The following PIK3CG variants were observed in gnomAD, a reference collection of about 807,000 sequenced individuals.
PIK3CG encodes phosphatidylinositol-4,5-bisphosphate 3-kinase catalytic subunit gamma.
PIK3CG carries 55 observed loss-of-function variants against 102.3 expected under a neutral mutation model. The ratio of observed to expected loss-of-function variants is 0.54; its 90% CI spans 0.43 to 0.67. PIK3CG has a LOEUF of 0.67. Among genes scored for constraint, PIK3CG ranks in the 30% least tolerant of loss-of-function variants. The probability of loss-of-function intolerance (pLI) is 0.00; values close to 1 mark genes in which losing one functional copy is unlikely to be tolerated. For synonymous variants in PIK3CG, 552 were observed against 540.0 expected, an observed-to-expected ratio of 1.02 and a Z score of -0.31; for missense variants, 1,258 against 1,391.8, an observed-to-expected ratio of 0.90 and a Z score of 1.53.
chr7:106,878,403 C>G (rs931366768), intron 5 of PIK3CG, among the ~76,000 whole-genome samples: 23 of 152,156 alleles, frequency 1.5e-4, no homozygotes, highest in African/African-American at 5.6e-4. Flanking sequence ...TATAGTCTAT[C>G]AAATTTGGAA....
chr7:106,904,770 C>G (rs778305832), intron 10 of PIK3CG, among the ~76,000 whole-genome samples: 5 of 152,108 alleles, frequency 3.3e-5, no homozygotes, highest in Non-Finnish European at 7.4e-5. Context: ...GTATGATGTT[C>G]AAAAGCTGAC....
chr7:106,876,341 T>A (rs1181749953), intron 5 of PIK3CG, among the ~76,000 whole-genome samples: 1 of 152,144 alleles, frequency 6.6e-6, no homozygotes, highest in African/African-American at 2.4e-5. Flanking sequence ...TAGAGTACAT[T>A]CTTCTGAAAA....
intron 4 of PIK3CG, among the ~76,000 whole-genome samples, chr7:106,873,637 G>A (rs1020251742): frequency 6.6e-6 from 1 of 152,026 alleles, no homozygotes; most frequent in Non-Finnish European, 1.5e-5. Context: ...TTATATCAGG[G>A]GCTTGAGCAT....
rs1389038104 is a variant in PIK3CG at position 106,895,450 on chromosome 7, G to A, written c.3030+9158G>A. On this transcript the variant is annotated intron_variant, in intron 10 of 10. Coordinates refer to ENST00000496166, the MANE Select transcript of PIK3CG (RefSeq NM_001282426.2). The surrounding 1 kb of genome is among the most constrained non-coding windows in gnomAD (Gnocchi z 5.4). The stretch of plus-strand genomic sequence containing the variant: ...GCAGAAATGAAACTTCTGGGACTGA[G>A]CGGGCAGGGCAGGTGCTCGGCTGTG... 6.6e-6 allele frequency among the ~76,000 whole-genome samples: 1 copy of A among 152,230 alleles called. No individual in the cohort carries two copies. The highest frequency in any genetic ancestry group is 1.5e-5 in the Non-Finnish European group (1 of 68,034).
At position 106,905,741 on chromosome 7, in the gene PIK3CG, A is replaced by G. The variant is rs753635314; in HGVS notation, c.*354A>G. On this transcript the variant is annotated 3_prime_UTR_variant, in exon 11 of 11. Coordinates refer to ENST00000496166, the MANE Select transcript of PIK3CG (RefSeq NM_001282426.2). The surrounding 1 kb of genome is among the most constrained non-coding windows in gnomAD (Gnocchi z 5.6). ...TTCTTTGGAATAATTGATGACATCT[A>G]TTTTCATCTGGGTTTAGTCTCAATT... is the stretch of plus-strand genomic sequence containing the variant. 90 of 286,888 alleles carry G rather than the reference A, an allele frequency of 3.1e-4. No homozygotes were observed. Among genetic ancestry groups the G allele is most frequent in the Admixed American group, 7.6e-4 (16 of 21,032 alleles). 17.8% of individuals were successfully genotyped at this position (286,888 alleles called of 1,614,324 possible).
At chr7:106,875,780 G>T (rs974501269) in intron 5 of PIK3CG, among the ~76,000 whole-genome samples, 1 of 152,076 alleles carries the variant, frequency 6.6e-6, no homozygotes, top group South Asian at 2.1e-4. Flanking sequence ...GTCAGATGGT[G>T]TGTGTGTGTA....
chr7:106,881,182 C>T (rs372870568), intron 6 of PIK3CG, among the ~76,000 whole-genome samples: 3 of 152,068 alleles, frequency 2.0e-5, no homozygotes, highest in Non-Finnish European at 2.9e-5. Flanking sequence ...ATTCTAGGCA[C>T]GAGCCAGTTA....
intron 10 of PIK3CG, among the ~76,000 whole-genome samples, chr7:106,887,319 G>A (rs1274398726): frequency 1.3e-5 from 2 of 152,254 alleles, no homozygotes; most frequent in African/African-American, 2.4e-5. Context: ...TGCCTTGGGT[G>A]CCCTTTAAAT....
chr7:106,887,754 CA>C (rs1034498204), intron 10 of PIK3CG, among the ~76,000 whole-genome samples: 3 of 149,630 alleles, frequency 2.0e-5, no homozygotes, highest in Non-Finnish European at 3.0e-5. Context: ...GAAATGGTTC[CA>C]AAAAAAAAGA....
chr7:106,901,188 C>T (rs1791540914), intron 10 of PIK3CG, among the ~76,000 whole-genome samples: 1 of 151,908 alleles, frequency 6.6e-6, no homozygotes, highest in Non-Finnish European at 1.5e-5. Context: ...TTCAGGGATG[C>T]CAGTGATTCG....
chr7:106,891,286 C>T lies in PIK3CG; in HGVS notation c.3030+4994C>T, dbSNP rs1336746296. On this transcript the variant is annotated intron_variant, in intron 10 of 10. Coordinates refer to ENST00000496166, the MANE Select transcript of PIK3CG (RefSeq NM_001282426.2). This position sits in a 1 kb window ranked among gnomAD's most constrained non-coding sequence, Gnocchi z 4.4. ...TCACAATAACTCAGGCCCAGATTGA[C>T]AGACCATCATCACATGGAAGGTAAT... Among the ~76,000 whole-genome samples the T allele has an allele frequency of 1.3e-5, 2 of 152,210 alleles. No individual in the cohort carries two copies. Among genetic ancestry groups the T allele is most frequent in the African/African-American group, 4.8e-5 (2 of 41,452 alleles).
intron 4 of PIK3CG, 90 bp downstream of exon 4, chr7:106,873,028 C>T (rs1790592606): frequency 1.0e-6 from 1 of 962,464 alleles, no homozygotes; most frequent in African/African-American, 1.6e-5. Context: ...TCCTGGAATC[C>T]AAGTTGCATC....
chr7:106,886,121 T>C lies in PIK3CG; in HGVS notation c.2873-14T>C, dbSNP rs1260471701. On this transcript the variant is annotated splice_polypyrimidine_tract_variant and intron_variant, in intron 9 of 10. Transcript: ENST00000496166. ...GTGCCACTGTAATGATGTCAGATACTTTCTTCTCTTAAGGAAACCTATTTC... is the reference window on the plus strand; with the variant it reads ...GTGCCACTGTAATGATGTCAGATACCTTCTTCTCTTAAGGAAACCTATTTC... 6.2e-7 allele frequency: 1 copy of C among 1,612,270 alleles called. No homozygotes were observed. The highest frequency in any genetic ancestry group is 1.7e-5 in the Admixed American group (1 of 59,902).
chr7:106,892,754 GA>G lies in PIK3CG; in HGVS notation c.3030+6466del, dbSNP rs1230814195. Among the ~76,000 whole-genome samples the G allele has an allele frequency of 2.6e-5, 4 of 152,194 alleles. No individual in the cohort carries two copies. Among genetic ancestry groups the G allele is most frequent in the Non-Finnish European group, 5.9e-5 (4 of 68,030 alleles). On this transcript the variant is annotated intron_variant, in intron 10 of 10. Coordinates refer to ENST00000496166, the MANE Select transcript of PIK3CG (RefSeq NM_001282426.2). The surrounding 1 kb of genome is among the most constrained non-coding windows in gnomAD (Gnocchi z 5.2). ...GCAATTAATCCTGCCCTAGAGGATA[GA>G]AAAGGGCTATTCAGAGAAGCATGTG...
Position 106,874,682 on chromosome 7 carries a change from T to TTTTC in PIK3CG, c.2288-18_2288-17insTTTC. On this transcript the variant is annotated splice_polypyrimidine_tract_variant and intron_variant, in intron 4 of 10. Transcript: ENST00000496166. The surrounding 1 kb of genome is among the most constrained non-coding windows in gnomAD (Gnocchi z 4.3). The stretch of plus-strand genomic sequence containing the variant: ...TTCTGGAACTCACATAACTCTTGTG[T>TTTTC]ACTTTTGACAATTACAGTTATTTCA... The TTTTC allele has an allele frequency of 6.7e-7, 1 of 1,482,114 alleles. No homozygotes were observed. Among genetic ancestry groups the TTTTC allele is most frequent in the Non-Finnish European group, 9.4e-7 (1 of 1,060,270 alleles). 91.8% of individuals were successfully genotyped at this position (1,482,114 alleles called of 1,614,324 possible). A position where few individuals can be genotyped will look rare whatever the true frequency, so the allele number is the denominator to read the frequency against.
chr7:106,870,522 T>C (rs904310412), intron 2 of PIK3CG, among the ~76,000 whole-genome samples: 5 of 152,160 alleles, frequency 3.3e-5, no homozygotes, highest in African/African-American at 1.2e-4. Flanking sequence ...CACACACAAA[T>C]AGATGTTTAA....
intron 10 of PIK3CG, among the ~76,000 whole-genome samples, chr7:106,896,768 G>A (rs1012080338): frequency 1.3e-5 from 2 of 152,072 alleles, no homozygotes; most frequent in South Asian, 4.1e-4. Context: ...ACTATGTACC[G>A]GCCTCCATGC....
chr7:106,871,568 A>G (rs1292020147), intron 2 of PIK3CG, among the ~76,000 whole-genome samples: 3 of 152,242 alleles, frequency 2.0e-5, no homozygotes, highest in Non-Finnish European at 4.4e-5. Flanking sequence ...ATTTCTATTC[A>G]TAAAGTGTAT....
chr7:106,868,615 G>C lies in PIK3CG; in HGVS notation c.1054G>C (p.Val352Leu), dbSNP rs1056645523. Residue 352 changes from valine (V) to leucine (L), a missense_variant, in exon 2 of 11, where the codon GTG becomes CTG. Val to Leu is a conservative substitution (Grantham distance 32, BLOSUM62 1). This residue lies in a region of PIK3CG where 832 missense variants were observed against 787.5 expected (regional missense o/e 1.06). Transcript: ENST00000496166. The surrounding 1 kb of genome is among the most constrained non-coding windows in gnomAD (Gnocchi z 6.2). ...HGKDHESVFTVSLWDCDRKFR... is the reference protein window; with the variant it reads ...HGKDHESVFTLSLWDCDRKFR... ...CAAGGACCACGAGAGTGTGTTCACC[G>C]TGTCCCTGTGGGACTGCGACCGCAA... is the stretch of plus-strand genomic sequence containing the variant. 8 of 1,614,082 alleles carry C rather than the reference G, an allele frequency of 5.0e-6. No homozygotes were observed. The highest frequency in any genetic ancestry group is 1.3e-5 in the African/African-American group (1 of 74,924).
Sources: gnomAD v4.1 joint callset for allele counts (sites outside exome capture counted in the v4.1 genomes callset) on GRCh38, gnomAD v4.1.1 for gene constraint, gnomAD v4.1.1 regional missense constraint, Gnocchi (gnomAD v3.1) non-coding constraint, MANE v1.5 for transcripts, NCBI Gene and HGNC (gene_info 2026-07-23, HGNC 2026-07-21) for gene names.